The following NRAP variants were observed in gnomAD, a reference collection of about 807,000 sequenced individuals.
NRAP encodes nebulin-related-anchoring protein.
A neutral mutation model predicts 225.9 loss-of-function variants in NRAP; 189 were observed. The observed-to-expected ratio is 0.84, with a 90% confidence interval of 0.74 to 0.94. NRAP has a LOEUF of 0.94. Ranked by LOEUF, NRAP falls within the 40% of genes least tolerant of loss-of-function variation. NRAP has a pLI of 0.00. For synonymous variants in NRAP, 769 were observed against 790.7 expected, an observed-to-expected ratio of 0.97 and a Z score of 0.46; for missense variants, 2,176 against 2,168.7, an observed-to-expected ratio of 1.00 and a Z score of -0.07.
At chr10:113,662,333 G>A (rs751886048) in intron 3 of NRAP, among the ~76,000 whole-genome samples, 1 of 152,036 alleles carries the variant, frequency 6.6e-6, no homozygotes, top group Non-Finnish European at 1.5e-5. Context: ...GGTGTTTATC[G>A]GCTCGAGTAT....
intron 21 of NRAP, 29 bp downstream of exon 21, chr10:113,626,018 T>C: frequency 6.6e-7 from 1 of 1,518,138 alleles, no homozygotes; most frequent in Non-Finnish European, 9.0e-7. Context: ...CACAGCAGCT[T>C]GGTGGAGAAA....
At chr10:113,616,890 C>G (rs1354119722) in intron 26 of NRAP, among the ~76,000 whole-genome samples, 1 of 152,084 alleles carries the variant, frequency 6.6e-6, no homozygotes, top group Non-Finnish European at 1.5e-5. Flanking sequence ...TAGTCTCCAG[C>G]CGACCCTGCA....
At chr10:113,593,244 C>G (rs926394169) in intron 38 of NRAP, among the ~76,000 whole-genome samples, 1 of 152,144 alleles carries the variant, frequency 6.6e-6, no homozygotes, top group African/African-American at 2.4e-5. Context: ...TCAGGGGGCC[C>G]TTAAGAACCG....
At chr10:113,594,136 G>A (rs999190321) in intron 38 of NRAP, among the ~76,000 whole-genome samples, 12 of 152,298 alleles carry the variant, frequency 7.9e-5, no homozygotes, top group Non-Finnish European at 1.3e-4. Context: ...AGTGGGCACA[G>A]TTTTGTCCTC....
At chr10:113,589,119 C>A in intron 41 of NRAP, 40 bp from the exon 42 acceptor site, 1 of 1,541,950 alleles carries the variant, frequency 6.5e-7, no homozygotes, top group Non-Finnish European at 8.9e-7. Context: ...AATGAAGCTC[C>A]CCCACCCCCA....
intron 14 of NRAP, among the ~76,000 whole-genome samples, chr10:113,635,703 C>G (rs977390157): frequency 6.6e-6 from 1 of 152,182 alleles, no homozygotes; most frequent in East Asian, 1.9e-4. Flanking sequence ...GCTGGGATTA[C>G]AGGCGTGAGC....
chr10:113,619,448 C>A (rs1847864969), intron 25 of NRAP, among the ~76,000 whole-genome samples: 1 of 152,038 alleles, frequency 6.6e-6, no homozygotes, highest in African/African-American at 2.4e-5. Flanking sequence ...GACCAAGGTC[C>A]CTAAAAATCA....
intron 12 of NRAP, among the ~76,000 whole-genome samples, chr10:113,641,890 AT>A (rs1467364431): frequency 6.6e-6 from 1 of 152,234 alleles, no homozygotes; most frequent in Non-Finnish European, 1.5e-5. Flanking sequence ...CATTACCTCC[AT>A]TTCTAAATAT....
intron 13 of NRAP, among the ~76,000 whole-genome samples, 190 bp from the exon 14 acceptor site, chr10:113,640,521 T>G (rs1849141487): frequency 6.6e-6 from 1 of 152,196 alleles, no homozygotes; most frequent in African/African-American, 2.4e-5. Context: ...TAGTCCAAAA[T>G]TAGTTAACTT....
chr10:113,650,177 A>G, intron 8 of NRAP, 36 bp from the exon 9 acceptor site: 4 of 1,302,608 alleles, frequency 3.1e-6, no homozygotes, highest in Non-Finnish European at 4.5e-6. Context: ...GGTGAATTTG[A>G]CTCCCATGCA....
intron 41 of NRAP, 43 bp downstream of exon 41, chr10:113,589,623 A>G (rs753888267): frequency 2.0e-6 from 3 of 1,490,732 alleles, no homozygotes; most frequent in East Asian, 4.9e-5. Flanking sequence ...GTCTTTCCCC[A>G]TGGCCTTGCA....
At chr10:113,592,167 C>G (rs574419082) in intron 39 of NRAP, 27 bp downstream of exon 39, 43 of 1,433,742 alleles carry the variant, frequency 3.0e-5, no homozygotes. Context: ...TCATCAGTGA[C>G]CGCAGGAGAG....
At chr10:113,623,740 G>T in intron 22 of NRAP, 104 bp from the exon 23 acceptor site, 2 of 733,076 alleles carry the variant, frequency 2.7e-6, no homozygotes, top group Non-Finnish European at 4.8e-6. Flanking sequence ...AAGCAATACT[G>T]ATTATTACGT....
intron 38 of NRAP, among the ~76,000 whole-genome samples, chr10:113,594,226 G>A (rs968793503): frequency 6.6e-6 from 1 of 152,072 alleles, no homozygotes; most frequent in Admixed American, 6.5e-5. Context: ...TGCCCAGGAA[G>A]GTCACTTTCC....
Position 113,663,410 on chromosome 10 carries a change from T to C in NRAP, c.109A>G (p.Lys37Glu), listed in dbSNP as rs564305164. The change falls in exon 2 of 42, where the codon AAG (lysine) becomes GAG (glutamate). Residue 37 changes from lysine to glutamate, a missense_variant. Transcript: ENST00000359988. ...AAGTTATTAACAGACAGCATCATCT[T>C]GCAAACTTCACAGTGAAAACAGGCT... The part of the protein sequence containing the change: ...HKACFHCEVC[K>E]MMLSVNNFVS... The C allele has an allele frequency of 8.1e-6, 13 of 1,613,188 alleles. No individual in the cohort carries two copies. In the South Asian group the frequency reaches 1.4e-4, roughly 18 times the overall value.
At chr10:113,628,200 C>T (rs3127092) in intron 20 of NRAP, among the ~76,000 whole-genome samples, 43,981 of 151,876 alleles carry the variant, frequency 0.29, 6,576 homozygotes, top group Admixed American at 0.36. Flanking sequence ...TTTATTTATT[C>T]TTTCTGAGAC....
chr10:113,642,717 C>T (rs1441822285), intron 12 of NRAP, among the ~76,000 whole-genome samples: 4 of 152,162 alleles, frequency 2.6e-5, no homozygotes. Flanking sequence ...AGGTCCCGCC[C>T]AGAGGACTCA....
intron 18 of NRAP, among the ~76,000 whole-genome samples, chr10:113,631,302 G>A (rs980028375): frequency 1.3e-5 from 2 of 151,996 alleles, no homozygotes; most frequent in Non-Finnish European, 2.9e-5. Context: ...GTCACCCTTA[G>A]GGCCACACTC....
intron 14 of NRAP, among the ~76,000 whole-genome samples, chr10:113,636,765 T>A (rs566618681): frequency 6.6e-6 from 1 of 152,084 alleles, no homozygotes; most frequent in East Asian, 1.9e-4. Flanking sequence ...TCCCAGCACT[T>A]TGGGAGGCCG....
Sources: gnomAD v4.1 joint callset for allele counts (sites outside exome capture counted in the v4.1 genomes callset) on GRCh38, gnomAD v4.1.1 for gene constraint, MANE v1.5 for transcripts, NCBI Gene and HGNC (gene_info 2026-07-23, HGNC 2026-07-21) for gene names.